Variants in ARID1B observed in about 807,000 individuals in gnomAD.
ARID1B encodes AT-rich interaction domain 1B.
ARID1B carries 30 observed loss-of-function variants against 212.3 expected under a neutral mutation model. The observed-to-expected ratio is 0.14, with a 90% CI of 0.11 to 0.19. The LOEUF is 0.19. Among genes scored for constraint, ARID1B ranks in the 10% least tolerant of loss-of-function variants. ARID1B has a pLI of 1.00. For missense variants in ARID1B, 2,891 were observed against 3,204.0 expected, an observed-to-expected ratio of 0.90 and a Z score of 2.36; for synonymous variants, 1,402 against 1,301.7, an observed-to-expected ratio of 1.08 and a Z score of -1.66.
At chr6:156,791,408 A>G (rs920828306) in intron 1 of ARID1B, among the ~76,000 whole-genome samples, 2 of 152,200 alleles carry the variant, frequency 1.3e-5, no homozygotes, top group African/African-American at 2.4e-5. Flanking sequence ...AGAGCTATCT[A>G]TTGCTTTTCA....
At chr6:157,198,934 CTG>C in intron 17 of ARID1B, 27 bp downstream of exon 17, 1 of 1,544,438 alleles carries the variant, frequency 6.5e-7, no homozygotes, top group African/African-American at 1.4e-5. Context: ...GCGTGGGGTG[CTG>C]TGTTTTCTGG....
At chr6:157,077,997 T>A (rs1363641722) in intron 4 of ARID1B, among the ~76,000 whole-genome samples, 1 of 152,204 alleles carries the variant, frequency 6.6e-6, no homozygotes, top group Non-Finnish European at 1.5e-5. Flanking sequence ...CAAAACATCA[T>A]TGTTCCTGGA....
At chr6:157,184,458 C>G (rs2128326287) in intron 13 of ARID1B, 23 bp downstream of exon 13, 1 of 1,613,534 alleles carries the variant, frequency 6.2e-7, no homozygotes, top group African/African-American at 1.3e-5. Flanking sequence ...GCTGCAGTCA[C>G]TGGCCCAGGA....
intron 7 of ARID1B, chr6:157,141,366 A>G (rs1789338231): frequency 1.3e-5 from 2 of 152,252 alleles, no homozygotes; most frequent in South Asian, 4.1e-4. Flanking sequence ...ACTTTGTGTA[A>G]TATTGTAAGT....
intron 4 of ARID1B, among the ~76,000 whole-genome samples, chr6:157,026,079 C>T (rs1780642234): frequency 6.6e-6 from 1 of 152,180 alleles, no homozygotes; most frequent in Admixed American, 6.5e-5. Context: ...CACCCGCCAC[C>T]ATGCCTGGCT....
chr6:156,954,917 C>T (rs1366845940), intron 4 of ARID1B, among the ~76,000 whole-genome samples: 1 of 152,242 alleles, frequency 6.6e-6, no homozygotes, highest in Non-Finnish European at 1.5e-5. Flanking sequence ...ATATCCACAA[C>T]CAAAGGGCAG....
At chr6:157,074,198 G>A (rs1263100505) in intron 4 of ARID1B, among the ~76,000 whole-genome samples, 6 of 152,104 alleles carry the variant, frequency 3.9e-5, no homozygotes, top group Non-Finnish European at 8.8e-5. Flanking sequence ...GCACCTTCCA[G>A]AGATTTTCAG....
intron 4 of ARID1B, among the ~76,000 whole-genome samples, chr6:156,975,969 CA>C (rs1388918624): frequency 1.3e-5 from 2 of 151,554 alleles, no homozygotes; most frequent in East Asian, 1.9e-4. Flanking sequence ...TTTTTGTGGG[CA>C]GGGGGAGGAT....
chr6:156,847,324 G>A (rs1034507663), intron 2 of ARID1B, among the ~76,000 whole-genome samples: 2 of 152,242 alleles, frequency 1.3e-5, no homozygotes, highest in Non-Finnish European at 2.9e-5. Flanking sequence ...AACCTGGTCT[G>A]AGGAGGCCAT....
At chr6:156,959,475 C>T (rs1053862734) in intron 4 of ARID1B, among the ~76,000 whole-genome samples, 19 of 152,132 alleles carry the variant, frequency 1.2e-4, no homozygotes, top group African/African-American at 4.6e-4. Flanking sequence ...TGACACAGAA[C>T]CCATGGGTAG....
intron 3 of ARID1B, among the ~76,000 whole-genome samples, chr6:156,908,115 G>T (rs1229396584): frequency 6.6e-6 from 1 of 152,048 alleles, no homozygotes. Flanking sequence ...TGCCCAGGCT[G>T]GTCTCTAACT....
rs567154634 is a variant in ARID1B, at chr6:156,978,872, A to G, written c.2247+43296A>G. Among the ~76,000 whole-genome samples the G allele has an allele frequency of 5.3e-5, 8 of 152,340 alleles. No homozygotes were observed. The South Asian group carries it at 1.7e-3, about 32-fold the overall frequency. On this transcript the variant is annotated intron_variant, in intron 4 of 19. Coordinates refer to ENST00000636930, the MANE Select transcript of ARID1B (RefSeq NM_001374828.1). ...TTAGCCTTCAATATAGCAGAATCAA[A>G]GTATGTTATTCCATTTGTTCCAAAT...
intron 8 of ARID1B, among the ~76,000 whole-genome samples, chr6:157,163,778 G>A (rs1791119242): frequency 6.6e-6 from 1 of 152,226 alleles, no homozygotes; most frequent in Non-Finnish European, 1.5e-5. Flanking sequence ...ACAACCGCAG[G>A]GCCATACACC....
intron 1 of ARID1B, among the ~76,000 whole-genome samples, chr6:156,798,342 T>C (rs1780541876): frequency 6.6e-6 from 1 of 152,236 alleles, no homozygotes; most frequent in Non-Finnish European, 1.5e-5. Flanking sequence ...GTGCCTGGCA[T>C]GCGGTGGGGC....
chr6:157,201,493 G>C lies in ARID1B; in HGVS notation c.5263+5G>C, dbSNP rs2128377559. 6.7e-7 allele frequency: 1 copy of C among 1,495,142 alleles called. No individual in the cohort carries two copies. The highest frequency in any genetic ancestry group is 1.4e-5 in the South Asian group (1 of 71,348). The allele number at this position is 1,495,142 out of a possible 1,614,324, so 92.6% of individuals were successfully genotyped here. A position where few individuals can be genotyped will look rare whatever the true frequency, so the allele number is the denominator to read the frequency against. Reference sequence around the variant, plus strand: ...AGATTACCTCCAAAGATATCGGTAAGAATTCCAAAGCTTTCATTCTGAAAT... The same window carrying C: ...AGATTACCTCCAAAGATATCGGTAACAATTCCAAAGCTTTCATTCTGAAAT... On this transcript the variant is annotated splice_donor_5th_base_variant and intron_variant, in intron 18 of 19. Transcript: ENST00000636930. This position sits in a 1 kb window ranked among gnomAD's most constrained non-coding sequence, Gnocchi z 5.2.
At chr6:156,887,263 G>A (rs986989489) in intron 2 of ARID1B, among the ~76,000 whole-genome samples, 1 of 152,132 alleles carries the variant, frequency 6.6e-6, no homozygotes, top group African/African-American at 2.4e-5. Flanking sequence ...TACCAATGCT[G>A]GCTCTTCCCA....
intron 11 of ARID1B, among the ~76,000 whole-genome samples, chr6:157,180,576 A>G (rs1792439134): frequency 6.6e-6 from 1 of 152,206 alleles, no homozygotes; most frequent in African/African-American, 2.4e-5. Flanking sequence ...TTTGGGCTCT[A>G]TAATATCACA....
At chr6:157,115,128 C>T (rs777451927) in intron 6 of ARID1B, among the ~76,000 whole-genome samples, 2 of 152,140 alleles carry the variant, frequency 1.3e-5, no homozygotes, top group Non-Finnish European at 2.9e-5. Flanking sequence ...TTTTTCGGTG[C>T]CCATTTTATC....
intron 3 of ARID1B, among the ~76,000 whole-genome samples, chr6:156,918,477 A>C (rs1790533526): frequency 6.6e-6 from 1 of 152,218 alleles, no homozygotes; most frequent in Non-Finnish European, 1.5e-5. Flanking sequence ...ATATTAACAC[A>C]GTCTATTAAC....
Sources: allele counts gnomAD v4.1 joint callset (sites outside exome capture counted in the v4.1 genomes callset), GRCh38; gene constraint gnomAD v4.1.1; non-coding constraint Gnocchi (gnomAD v3.1); transcripts MANE v1.5; gene names NCBI Gene and HGNC (gene_info 2026-07-23, HGNC 2026-07-21).